ITFG1: variants seen among roughly 807,000 people sequenced by gnomAD.
ITFG1 encodes integrin alpha FG-GAP repeat containing 1.
Under a neutral mutation model 81.8 loss-of-function variants are expected in ITFG1, and 34 were observed. The observed-to-expected ratio is 0.42, with a 90% CI of 0.32 to 0.55. The LOEUF (loss-of-function observed/expected upper bound fraction) is 0.55. Among genes scored for constraint, ITFG1 ranks in the 20% least tolerant of loss-of-function variants. The probability of loss-of-function intolerance (pLI) is 0.17; values close to 1 mark genes in which losing one functional copy is unlikely to be tolerated. For missense variants in ITFG1, 672 were observed against 755.4 expected, an observed-to-expected ratio of 0.89 and a Z score of 1.29; for synonymous variants, 285 against 270.6, an observed-to-expected ratio of 1.05 and a Z score of -0.52.
intron 14 of ITFG1, among the ~76,000 whole-genome samples, chr16:47,209,682 T>C: frequency 6.6e-6 from 1 of 152,164 alleles, no homozygotes; most frequent in Non-Finnish European, 1.5e-5. Context: ...ATACTGTCTT[T>C]TCATAGCCAC....
intron 10 of ITFG1, among the ~76,000 whole-genome samples, chr16:47,284,382 TTAAA>T (rs1204593399): frequency 2.0e-5 from 3 of 152,150 alleles, no homozygotes; most frequent in Admixed American, 6.6e-5. Flanking sequence ...TGCAACTTAT[TTAAA>T]TAGATATTGT....
chr16:47,268,310 T>G (rs1407240777), intron 10 of ITFG1, among the ~76,000 whole-genome samples: 1 of 152,176 alleles, frequency 6.6e-6, no homozygotes, highest in Non-Finnish European at 1.5e-5. Flanking sequence ...ACGAATTCCC[T>G]GGAAGTCACA....
chr16:47,329,186 G>A (rs1190717383), intron 8 of ITFG1, among the ~76,000 whole-genome samples: 1 of 151,950 alleles, frequency 6.6e-6, no homozygotes, highest in Non-Finnish European at 1.5e-5. Flanking sequence ...TTTATATTTG[G>A]GCAGAAGACG....
intron 8 of ITFG1, among the ~76,000 whole-genome samples, chr16:47,340,627 G>T (rs1184863247): frequency 2.6e-5 from 4 of 152,044 alleles, no homozygotes; most frequent in African/African-American, 4.8e-5. Context: ...AAAGTGAAAA[G>T]ACATATAGAA....
At chr16:47,240,184 C>A (rs1325818436) in intron 12 of ITFG1, among the ~76,000 whole-genome samples, 2 of 149,216 alleles carry the variant, frequency 1.3e-5, no homozygotes, top group African/African-American at 4.9e-5. Flanking sequence ...GTGGTCTCAG[C>A]TACTCAGGAG....
intron 5 of ITFG1, chr16:47,449,458 C>T (rs1239074405): frequency 2.0e-5 from 3 of 152,212 alleles, no homozygotes; most frequent in Non-Finnish European, 4.4e-5. Context: ...GCCACAGGGG[C>T]ATATTCAGCT....
intron 13 of ITFG1, among the ~76,000 whole-genome samples, chr16:47,236,140 AT>A (rs954806847): frequency 1.3e-5 from 2 of 152,160 alleles, no homozygotes; most frequent in African/African-American, 4.8e-5. Flanking sequence ...GTGGCTTAAT[AT>A]TTTAAGATAA....
intron 8 of ITFG1, among the ~76,000 whole-genome samples, chr16:47,322,719 T>G (rs771227095): frequency 6.6e-6 from 1 of 152,176 alleles, no homozygotes; most frequent in Non-Finnish European, 1.5e-5. Context: ...ACGAATACAC[T>G]GTGGAATAGC....
intron 8 of ITFG1, among the ~76,000 whole-genome samples, chr16:47,359,364 G>A (rs1472603972): frequency 3.3e-5 from 5 of 152,112 alleles, no homozygotes; most frequent in Admixed American, 2.0e-4. Context: ...CAGAACTCCA[G>A]AGTTCCTCTT....
At chr16:47,374,726 C>CT (rs560669382) in intron 7 of ITFG1, among the ~76,000 whole-genome samples, 1 of 151,960 alleles carries the variant, frequency 6.6e-6, no homozygotes, top group Non-Finnish European at 1.5e-5. Context: ...TTAAATAAGT[C>CT]TTTTTTGATT....
At chr16:47,316,561 T>A (rs1170092467) in intron 8 of ITFG1, among the ~76,000 whole-genome samples, 1 of 152,238 alleles carries the variant, frequency 6.6e-6, no homozygotes, top group East Asian at 1.9e-4. Context: ...ATTTCAGTTT[T>A]GTCCACTGAC....
intron 16 of ITFG1, among the ~76,000 whole-genome samples, chr16:47,160,151 T>C (rs969674662): frequency 1.7e-5 from 2 of 118,000 alleles, no homozygotes; most frequent in East Asian, 2.4e-4. Context: ...ACTTTTAAAA[T>C]AGATTTTTAA....
At chr16:47,205,775 G>A (rs1965486639) in intron 14 of ITFG1, among the ~76,000 whole-genome samples, 1 of 152,140 alleles carries the variant, frequency 6.6e-6, no homozygotes. Context: ...GTGCAATTCA[G>A]TTTAATTAAT....
chr16:47,240,053 A>G (rs1340791682), intron 12 of ITFG1, among the ~76,000 whole-genome samples: 1 of 151,858 alleles, frequency 6.6e-6, no homozygotes, highest in Non-Finnish European at 1.5e-5. Context: ...GCACTTTGGG[A>G]AGCTGAGGTG....
At chr16:47,371,535 T>C (rs922109984) in intron 7 of ITFG1, among the ~76,000 whole-genome samples, 1 of 152,168 alleles carries the variant, frequency 6.6e-6, no homozygotes, top group Non-Finnish European at 1.5e-5. Context: ...CTTTCATAGA[T>C]GACTATCAAT....
At chr16:47,183,228 T>C (rs1965157504) in intron 14 of ITFG1, among the ~76,000 whole-genome samples, 1 of 152,202 alleles carries the variant, frequency 6.6e-6, no homozygotes, top group Non-Finnish European at 1.5e-5. Context: ...TGCCCAGGCT[T>C]GCTTAGGTAA....
chr16:47,277,489 G>A (rs972321100), intron 10 of ITFG1, among the ~76,000 whole-genome samples: 1 of 152,194 alleles, frequency 6.6e-6, no homozygotes, highest in African/African-American at 2.4e-5. Flanking sequence ...CAGGTAAGGA[G>A]AGCTGACTGT....
At chr16:47,373,980 A>G (rs1968292731) in intron 7 of ITFG1, among the ~76,000 whole-genome samples, 1 of 152,214 alleles carries the variant, frequency 6.6e-6, no homozygotes, top group Non-Finnish European at 1.5e-5. Flanking sequence ...AACTATTGTT[A>G]CTGTGGAAAC....
intron 8 of ITFG1, among the ~76,000 whole-genome samples, chr16:47,353,627 A>T (rs1450278086): frequency 3.3e-5 from 5 of 152,144 alleles, no homozygotes; most frequent in African/African-American, 1.2e-4. Context: ...TGCAGATGAC[A>T]TTATCTTATA....
Sources: gnomAD v4.1 joint callset for allele counts (sites outside exome capture counted in the v4.1 genomes callset) on GRCh38, gnomAD v4.1.1 for gene constraint, MANE v1.5 for transcripts, NCBI Gene and HGNC (gene_info 2026-07-23, HGNC 2026-07-21) for gene names.